ADAMTS18: variants seen among roughly 807,000 people sequenced by gnomAD.
ADAMTS18 encodes ADAM metallopeptidase with thrombospondin type 1 motif 18.
ADAMTS18 carries 157 observed loss-of-function variants against 165.9 expected under a neutral mutation model. The ratio of observed to expected loss-of-function variants is 0.95; its 90% confidence interval spans 0.83 to 1.08. The LOEUF (loss-of-function observed/expected upper bound fraction) is 1.08, where lower values mean the gene tolerates loss of function less well. Among genes scored for constraint, ADAMTS18 ranks in the 50% least tolerant of loss-of-function variants. The probability of loss-of-function intolerance (pLI) is 0.00; values close to 1 mark genes in which losing one functional copy is unlikely to be tolerated. For synonymous variants in ADAMTS18, 782 were observed against 578.2 expected (o/e 1.35, Z -5.06); for missense variants, 2,040 against 1,534.0 (o/e 1.33, Z -5.51).
intron 3 of ADAMTS18, among the ~76,000 whole-genome samples, chr16:77,410,354 C>CT (rs934896519): frequency 4.6e-5 from 7 of 151,406 alleles, no homozygotes; most frequent in Non-Finnish European, 2.9e-5. Context: ...TAGGCCTCAT[C>CT]TTTTTTAAAA....
At chr16:77,291,895 G>C (rs2055371591) in intron 20 of ADAMTS18, among the ~76,000 whole-genome samples, 1 of 152,156 alleles carries the variant, frequency 6.6e-6, no homozygotes, top group South Asian at 2.1e-4. Context: ...CCAGAGAAAA[G>C]GATTCAGAGC....
intron 11 of ADAMTS18, among the ~76,000 whole-genome samples, chr16:77,339,391 T>G (rs2056363937): frequency 6.6e-6 from 1 of 152,064 alleles, no homozygotes; most frequent in Admixed American, 6.6e-5. Context: ...ATCAAGACAT[T>G]TGTTTTCCCA....
intron 16 of ADAMTS18, among the ~76,000 whole-genome samples, chr16:77,319,636 T>C (rs2055952479): frequency 6.6e-6 from 1 of 151,980 alleles, no homozygotes; most frequent in African/African-American, 2.4e-5. Flanking sequence ...AGAGATGGGT[T>C]TTCACCACGT....
intron 3 of ADAMTS18, among the ~76,000 whole-genome samples, chr16:77,402,974 C>T (rs1016483201): frequency 4.6e-5 from 7 of 152,308 alleles, no homozygotes; most frequent in African/African-American, 1.7e-4. Context: ...CATGGTGATA[C>T]ATTATTAATA....
chr16:77,427,158 C>G (rs2057683909), intron 3 of ADAMTS18, among the ~76,000 whole-genome samples: 1 of 152,182 alleles, frequency 6.6e-6, no homozygotes, highest in South Asian at 2.1e-4. Context: ...TGTGTCCAGC[C>G]TCCCTGAGCT....
At chr16:77,388,285 A>T (rs1359646169) in intron 3 of ADAMTS18, among the ~76,000 whole-genome samples, 1 of 152,056 alleles carries the variant, frequency 6.6e-6, no homozygotes, top group Non-Finnish European at 1.5e-5. Flanking sequence ...TTTTTATTGG[A>T]GATGGGGTTT....
At position 77,337,806 on chromosome 16, in the gene ADAMTS18, C is replaced by T. The variant is rs557867963; in HGVS notation, c.1711-1902G>A. Among the ~76,000 whole-genome samples, 28 of 152,206 alleles carry T rather than the reference C, an allele frequency of 1.8e-4. No individual in the cohort carries two copies. In the East Asian group the frequency reaches 4.8e-3, roughly 26 times the overall value. Reference sequence around the variant, plus strand: ...AATCAGGAATATAAAGGAATGTACACACAGACCTGCACACATTCACATGAA... The same window carrying T: ...AATCAGGAATATAAAGGAATGTACATACAGACCTGCACACATTCACATGAA... On this transcript the variant is annotated intron_variant, in intron 11 of 22. Coordinates refer to ENST00000282849, the MANE Select transcript of ADAMTS18 (RefSeq NM_199355.4).
At chr16:77,363,749 A>T (rs1472213873) in intron 6 of ADAMTS18, 53 bp downstream of exon 6, 29 of 1,544,248 alleles carry the variant, frequency 1.9e-5, no homozygotes, top group Non-Finnish European at 2.4e-5. Context: ...TGTTCAAGAA[A>T]TGTATTCTGA....
chr16:77,368,303 G>C (rs1368194712), intron 3 of ADAMTS18, among the ~76,000 whole-genome samples: 1 of 152,148 alleles, frequency 6.6e-6, no homozygotes, highest in African/African-American at 2.4e-5. Context: ...TGTGCCTGAA[G>C]GGCTGAGCCA....
intron 16 of ADAMTS18, among the ~76,000 whole-genome samples, chr16:77,306,331 G>T (rs1458459369): frequency 6.6e-6 from 1 of 152,146 alleles, no homozygotes; most frequent in East Asian, 1.9e-4. Context: ...AAAATTTACA[G>T]CTTCTTAAGT....
intron 10 of ADAMTS18, among the ~76,000 whole-genome samples, chr16:77,347,158 T>C (rs974269385): frequency 6.6e-6 from 1 of 152,224 alleles, no homozygotes; most frequent in African/African-American, 2.4e-5. Flanking sequence ...TTCCATTGTA[T>C]GAATACAGCA....
At chr16:77,408,483 T>C (rs957594029) in intron 3 of ADAMTS18, among the ~76,000 whole-genome samples, 1 of 152,094 alleles carries the variant, frequency 6.6e-6, no homozygotes. Context: ...AGATAAATAG[T>C]GGTTTATTCA....
intron 3 of ADAMTS18, among the ~76,000 whole-genome samples, chr16:77,417,314 G>T (rs1436624748): frequency 2.6e-5 from 4 of 152,046 alleles, no homozygotes; most frequent in Non-Finnish European, 5.9e-5. Flanking sequence ...GGATGGATGG[G>T]AGAATGGAAG....
rs1430978433 is a variant in ADAMTS18 at position 77,305,906 on chromosome 16, G to A, written c.2533-5502C>T. On this transcript the variant is annotated intron_variant, in intron 16 of 22. Transcript: ENST00000282849. Reference sequence around the variant, plus strand: ...TAACTTGAAAATGATCATTCCCATTGTTCACATTTTAGAACATTTTCGGTG... The same window carrying A: ...TAACTTGAAAATGATCATTCCCATTATTCACATTTTAGAACATTTTCGGTG... Among the ~76,000 whole-genome samples the A allele has an allele frequency of 2.0e-5, 3 of 152,130 alleles. No individual in the cohort carries two copies. In the East Asian group the frequency reaches 5.8e-4, roughly 29 times the overall value.
Position 77,282,528 on chromosome 16 carries a change from A to T in ADAMTS18, c.*1428T>A, listed in dbSNP as rs1049299953. ...ACGAAGTATGCTGCTAAATTTAACA[A>T]ACCACTGTCTAGTTGATTATGCTGA... On this transcript the variant is annotated 3_prime_UTR_variant, in exon 23 of 23. Coordinates refer to ENST00000282849, the MANE Select transcript of ADAMTS18 (RefSeq NM_199355.4). 11 of 152,626 alleles carry T rather than the reference A, an allele frequency of 7.2e-5. No homozygotes were observed. The highest frequency in any genetic ancestry group is 1.3e-4 in the Non-Finnish European group (9 of 68,024). 9.5% of individuals were successfully genotyped at this position (152,626 alleles called of 1,614,324 possible).
intron 20 of ADAMTS18, 172 bp downstream of exon 20, chr16:77,292,904 C>T: frequency 1.5e-6 from 1 of 666,960 alleles, no homozygotes; most frequent in South Asian, 1.9e-5. Context: ...ACTGCAAACT[C>T]CGCCTCCTGG....
At chr16:77,391,914 C>T (rs969567665) in intron 3 of ADAMTS18, among the ~76,000 whole-genome samples, 4 of 152,146 alleles carry the variant, frequency 2.6e-5, no homozygotes, top group Non-Finnish European at 4.4e-5. Context: ...TTTGGTGAAA[C>T]AGACAGAGGT....
chr16:77,414,494 A>G (rs1359413406), intron 3 of ADAMTS18, among the ~76,000 whole-genome samples: 1 of 152,226 alleles, frequency 6.6e-6, no homozygotes, highest in African/African-American at 2.4e-5. Context: ...TATAATACCA[A>G]CATAAATTTT....
intron 3 of ADAMTS18, among the ~76,000 whole-genome samples, chr16:77,395,192 G>C (rs1477058387): frequency 6.6e-6 from 1 of 152,168 alleles, no homozygotes; most frequent in Non-Finnish European, 1.5e-5. Context: ...AGGTCTTTCT[G>C]AATCAATTAG....
Sources: gnomAD v4.1 joint callset for allele counts (sites outside exome capture counted in the v4.1 genomes callset) on GRCh38, gnomAD v4.1.1 for gene constraint, MANE v1.5 for transcripts, NCBI Gene and HGNC (gene_info 2026-07-23, HGNC 2026-07-21) for gene names.